KIAA0825: variants seen among roughly 807,000 people sequenced by gnomAD.
KIAA0825 encodes the protein KIAA0825.
Under a neutral mutation model 147.6 loss-of-function variants are expected in KIAA0825, and 119 were observed. That is an observed-to-expected ratio of 0.81 (90% CI 0.69 to 0.94). The LOEUF is 0.94. Ranked by LOEUF, KIAA0825 falls within the 40% of genes least tolerant of loss-of-function variation. The pLI is 0.00. For missense variants in KIAA0825, 1,381 were observed against 1,472.7 expected (o/e 0.94, Z 1.02); for synonymous variants, 470 against 518.1 (o/e 0.91, Z 1.26).
chr5:94,534,328 C>G (rs959448907), intron 3 of KIAA0825, among the ~76,000 whole-genome samples: 2 of 152,042 alleles, frequency 1.3e-5, no homozygotes, highest in African/African-American at 4.8e-5. Context: ...TCTTCTGAAC[C>G]ACAGTTATTA....
chr5:94,595,281 G>C (rs889210796), intron 1 of KIAA0825, among the ~76,000 whole-genome samples: 1 of 152,190 alleles, frequency 6.6e-6, no homozygotes, highest in Non-Finnish European at 1.5e-5. Context: ...ATACATCTCT[G>C]AACTCTAAGC....
chr5:94,587,408 CAGAG>C (rs1464865852), intron 1 of KIAA0825, among the ~76,000 whole-genome samples: 1 of 152,092 alleles, frequency 6.6e-6, no homozygotes, highest in East Asian at 1.9e-4. Context: ...AACAGACAAA[CAGAG>C]AGCCAAATCA....
chr5:94,496,834 G>T (rs906545238), intron 5 of KIAA0825, among the ~76,000 whole-genome samples: 1 of 152,096 alleles, frequency 6.6e-6, no homozygotes, highest in African/African-American at 2.4e-5. Context: ...AGCAGGGAGG[G>T]TATTAAATGA....
chr5:94,492,075 T>C (rs192794762), intron 5 of KIAA0825, among the ~76,000 whole-genome samples: 8 of 152,318 alleles, frequency 5.3e-5, no homozygotes, highest in Non-Finnish European at 8.8e-5. Flanking sequence ...ATTTAACTCT[T>C]AGAAGCTAAA....
chr5:94,607,210 G>A (rs888905798), intron 1 of KIAA0825, among the ~76,000 whole-genome samples: 1 of 151,830 alleles, frequency 6.6e-6, no homozygotes, highest in Non-Finnish European at 1.5e-5. Flanking sequence ...AACTTCTGAA[G>A]GAATCCTGAT....
At chr5:94,528,969 G>C (rs1435627947) in intron 3 of KIAA0825, among the ~76,000 whole-genome samples, 1 of 151,040 alleles carries the variant, frequency 6.6e-6, no homozygotes, top group African/African-American at 2.4e-5. Flanking sequence ...GAAAGAGACA[G>C]TTAAAAAAAA....
At chr5:94,605,418 G>A (rs1016029560) in intron 1 of KIAA0825, among the ~76,000 whole-genome samples, 2 of 152,070 alleles carry the variant, frequency 1.3e-5, no homozygotes, top group Non-Finnish European at 2.9e-5. Flanking sequence ...CATTCTATGA[G>A]GCCAGCATCA....
intron 5 of KIAA0825, among the ~76,000 whole-genome samples, chr5:94,510,020 A>G (rs535390868): frequency 6.6e-6 from 1 of 152,334 alleles, no homozygotes; most frequent in Non-Finnish European, 1.5e-5. Flanking sequence ...TGAGGGCACT[A>G]TAAAACAATT....
chr5:94,418,158 T>C (rs554612789), intron 14 of KIAA0825, among the ~76,000 whole-genome samples: 32 of 152,310 alleles, frequency 2.1e-4, no homozygotes, highest in African/African-American at 7.5e-4. Flanking sequence ...TTTTAGCTCT[T>C]ATATTTTAAC....
intron 14 of KIAA0825, among the ~76,000 whole-genome samples, chr5:94,422,587 A>G (rs1754338135): frequency 6.6e-6 from 1 of 152,114 alleles, no homozygotes. Context: ...GAGGAAAGGT[A>G]TTAGTTTTTC....
At chr5:94,181,943 G>T (rs1769655319) in intron 20 of KIAA0825, among the ~76,000 whole-genome samples, 1 of 152,118 alleles carries the variant, frequency 6.6e-6, no homozygotes, top group Admixed American at 6.6e-5. Flanking sequence ...GCAGGAAACT[G>T]CCTTTGTCCC....
chr5:94,417,130 T>A, intron 15 of KIAA0825, 71 bp downstream of exon 15: 1 of 1,415,682 alleles, frequency 7.1e-7, no homozygotes, highest in Non-Finnish European at 9.7e-7. Context: ...CAATACAACT[T>A]CTAAACATCT....
chr5:94,445,863 A>ATT (rs1420574718), intron 13 of KIAA0825, among the ~76,000 whole-genome samples: 2 of 152,194 alleles, frequency 1.3e-5, no homozygotes, highest in East Asian at 3.8e-4. Flanking sequence ...TGGAACAGCC[A>ATT]TTTAAGATCT....
rs188854400 is a variant in KIAA0825, at chr5:94,157,490, C to T, written c.3711-3366G>A. Among the ~76,000 whole-genome samples the T allele has an allele frequency of 1.1e-3, 166 of 152,318 alleles. 1 individual carries two copies. The highest frequency in any genetic ancestry group is 3.6e-3 in the African/African-American group (149 of 41,574). On this transcript the variant is annotated intron_variant, in intron 20 of 20. Coordinates refer to ENST00000682413, the MANE Select transcript of KIAA0825 (RefSeq NM_001145678.3). ...CTAGACTGAGATACTCTAACAGAAT[C>T]AGCAGTTACAACTTTGCTCATTTGT... is the stretch of plus-strand genomic sequence containing the variant.
rs1187893778 is a variant in KIAA0825, at chr5:94,391,574, C to T, written c.3417G>A (p.Glu1139=). Residue 1139 remains glutamate, a synonymous_variant, in exon 18 of 21, where the codon GAG becomes GAA. Coordinates refer to ENST00000682413, the MANE Select transcript of KIAA0825 (RefSeq NM_001145678.3). ...LDLCHKPGGR[E]YLRQIYHIMQ... ...TGATGTGATAAATTTGCCTCAGGTA[C>T]TCCCTGCCACCTGGTTTGTGGCAGA... The T allele has an allele frequency of 6.4e-7, 1 of 1,551,626 alleles. No individual in the cohort carries two copies.
intron 1 of KIAA0825, among the ~76,000 whole-genome samples, chr5:94,585,348 A>G (rs1419286496): frequency 6.6e-6 from 1 of 152,230 alleles, no homozygotes; most frequent in Non-Finnish European, 1.5e-5. Context: ...AGGAAGATCT[A>G]CCAAGCAAAT....
At chr5:94,528,170 T>C (rs966294122) in intron 3 of KIAA0825, among the ~76,000 whole-genome samples, 1 of 152,194 alleles carries the variant, frequency 6.6e-6, no homozygotes, top group African/African-American at 2.4e-5. Flanking sequence ...TGACACCAAA[T>C]CTTTCTCATA....
At chr5:94,489,205 T>C (rs990318943) in intron 5 of KIAA0825, among the ~76,000 whole-genome samples, 1 of 152,202 alleles carries the variant, frequency 6.6e-6, no homozygotes, top group East Asian at 1.9e-4. Context: ...CTAGACCTTC[T>C]CATTGAATTC....
At chr5:94,167,703 T>G (rs1768180783) in intron 20 of KIAA0825, among the ~76,000 whole-genome samples, 1 of 152,144 alleles carries the variant, frequency 6.6e-6, no homozygotes, top group Non-Finnish European at 1.5e-5. Flanking sequence ...AGAATATAAT[T>G]TATTTGTTCT....
Sources: gnomAD v4.1 joint callset for allele counts (sites outside exome capture counted in the v4.1 genomes callset) on GRCh38, gnomAD v4.1.1 for gene constraint, MANE v1.5 for transcripts, NCBI Gene and HGNC (gene_info 2026-07-23, HGNC 2026-07-21) for gene names.